The following CDKL4 variants were observed in gnomAD, a reference collection of about 807,000 sequenced individuals.
CDKL4 encodes cyclin dependent kinase like 4.
CDKL4 carries 44 observed loss-of-function variants against 42.0 expected under a neutral mutation model. The observed-to-expected ratio is 1.05, with a 90% CI of 0.82 to 1.35. CDKL4 has a LOEUF of 1.35. CDKL4 is among the 40% of genes most tolerant of loss of function. The pLI, the probability that CDKL4 is intolerant of heterozygous loss-of-function variation, is 0.00. For missense variants in CDKL4, 393 were observed against 369.9 expected (o/e 1.06, Z -0.51); for synonymous variants, 120 against 121.6 (o/e 0.99, Z 0.09).
At position 39,203,432 on chromosome 2, in the gene CDKL4, T is replaced by A. The variant is rs191310539; in HGVS notation, c.454+1095A>T. Among the ~76,000 whole-genome samples, 307 of 152,234 alleles carry A rather than the reference T, an allele frequency of 2.0e-3. 2 individuals carry two copies. Among genetic ancestry groups the A allele is most frequent in the Non-Finnish European group, 8.4e-4 (57 of 68,014 alleles). On this transcript the variant is annotated intron_variant, in intron 5 of 9. Transcript: ENST00000451199. ...TTTTTGTGACAATTGGGTATTTTGG[T>A]GGTATATAATGGATTTCCAGGAAAA...
At chr2:39,186,869 A>T (rs549895902) in intron 7 of CDKL4, among the ~76,000 whole-genome samples, 2 of 152,182 alleles carry the variant, frequency 1.3e-5, no homozygotes, top group Non-Finnish European at 2.9e-5. Context: ...TAAGATACTA[A>T]ATATATTTTC....
chr2:39,234,185 C>T (rs1164249236), intron 1 of CDKL4, among the ~76,000 whole-genome samples: 2 of 151,996 alleles, frequency 1.3e-5, no homozygotes, highest in African/African-American at 2.4e-5. Context: ...AGTGCTAGGA[C>T]TACAGGCGTG....
At chr2:39,168,457 C>A in the CDKL4 span, among the ~76,000 whole-genome samples, 3 of 152,124 alleles carry the variant, frequency 2.0e-5, no homozygotes, top group Non-Finnish European at 2.9e-5. Context: ...TGAGCCAGGC[C>A]AGGCGCGGTG....
chr2:39,204,514 A>T lies in CDKL4; in HGVS notation c.454+13T>A. 7 of 1,529,814 alleles carry T rather than the reference A, an allele frequency of 4.6e-6. No individual in the cohort carries two copies. The highest frequency in any genetic ancestry group is 6.3e-6 in the Non-Finnish European group (7 of 1,105,474). 94.8% of individuals were successfully genotyped at this position (1,529,814 alleles called of 1,614,324 possible). ...ATCTGAACTGGGTATTAGTAAAAAA[A>T]ATTGCTACTTACTCAGAATTTGTGC... On this transcript the variant is annotated intron_variant, in intron 5 of 9. Transcript: ENST00000451199.
downstream of CDKL4, among the ~76,000 whole-genome samples, chr2:39,174,161 T>C (rs1455562462): frequency 6.6e-6 from 1 of 152,008 alleles, no homozygotes; most frequent in Non-Finnish European, 1.5e-5. Flanking sequence ...TCCCAGCACT[T>C]TGGGAGGCCG....
At chr2:39,195,716 C>T (rs1676473993) in intron 5 of CDKL4, among the ~76,000 whole-genome samples, 1 of 146,630 alleles carries the variant, frequency 6.8e-6, no homozygotes, top group Admixed American at 6.9e-5. Flanking sequence ...AGTCTTGGCT[C>T]ACTGCAACCT....
chr2:39,168,923 A>C, the CDKL4 span, among the ~76,000 whole-genome samples: 1 of 151,698 alleles, frequency 6.6e-6, no homozygotes, highest in Non-Finnish European at 1.5e-5. Flanking sequence ...CGCCCAGCTA[A>C]TTTTTGTATT....
chr2:39,181,299 C>T (rs1675426207), intron 8 of CDKL4, among the ~76,000 whole-genome samples: 1 of 152,206 alleles, frequency 6.6e-6, no homozygotes, highest in Admixed American at 6.5e-5. Context: ...ACTATGTTCT[C>T]CACTATGGTT....
chr2:39,172,037 A>T (rs994130598), downstream of CDKL4, among the ~76,000 whole-genome samples: 2 of 152,160 alleles, frequency 1.3e-5, no homozygotes, highest in Admixed American at 1.3e-4. Context: ...CAGGCTGGGC[A>T]TGGTGGTTCA....
chr2:39,221,632 A>G (rs1249228567), intron 3 of CDKL4, among the ~76,000 whole-genome samples: 1 of 152,246 alleles, frequency 6.6e-6, no homozygotes, highest in Non-Finnish European at 1.5e-5. Flanking sequence ...GGCTGACGCA[A>G]CGCACTACTG....
chr2:39,198,745 A>G (rs1676670280), intron 5 of CDKL4, among the ~76,000 whole-genome samples: 2 of 152,230 alleles, frequency 1.3e-5, no homozygotes, highest in African/African-American at 4.8e-5. Context: ...TGTTCAGTCA[A>G]CAATGAAACC....
downstream of CDKL4, among the ~76,000 whole-genome samples, chr2:39,172,559 T>C (rs944681076): frequency 6.6e-6 from 1 of 152,142 alleles, no homozygotes; most frequent in Non-Finnish European, 1.5e-5. Context: ...TAAACAGGCA[T>C]ATGGCATCAG....
At chr2:39,211,165 T>C (rs1677565404) in intron 4 of CDKL4, among the ~76,000 whole-genome samples, 1 of 152,116 alleles carries the variant, frequency 6.6e-6, no homozygotes. Flanking sequence ...CCTGGCACTT[T>C]GGGCAGCCAA....
chr2:39,197,467 A>T (rs1676584883), intron 5 of CDKL4, among the ~76,000 whole-genome samples: 1 of 152,240 alleles, frequency 6.6e-6, no homozygotes. Flanking sequence ...TCCAAATACA[A>T]GAAGCCATCC....
chr2:39,184,722 ATGTG>A (rs141702509), intron 7 of CDKL4, 75 bp from the exon 8 acceptor site: 1,260 of 755,654 alleles, frequency 1.7e-3, no homozygotes, highest in East Asian at 2.5e-3. Context: ...GTGCGTATGT[ATGTG>A]TGTGTGTGTG....
Position 39,220,976 on chromosome 2 carries a change from CTTTT to C in CDKL4, c.290+4859_290+4862del, listed in dbSNP as rs1157655136. 4.3e-3 allele frequency among the ~76,000 whole-genome samples: 213 copies of C among 49,130 alleles called. 1 individual carries two copies. Among genetic ancestry groups the C allele is most frequent in the East Asian group, 0.026 (26 of 1,016 alleles). The allele number at this position is 49,130 out of a possible 152,430, so 32.2% of individuals were successfully genotyped here. ...AATCCGCATTCACTACATCGACGAT[CTTTT>C]TTTTTTTTTTTTTTTTTTTTGTTTT... On this transcript the variant is annotated intron_variant, in intron 3 of 9. Coordinates refer to ENST00000451199, the Ensembl canonical transcript of CDKL4.
chr2:39,204,564 T>C (rs1425949242), exon 5 of CDKL4: 1 of 1,610,218 alleles, frequency 6.2e-7, no homozygotes, highest in Non-Finnish European at 8.5e-7. Context: ...AAATCTTGAT[T>C]ATTCCTTGCT....
At chr2:39,226,361 C>T (rs1031806852) in intron 2 of CDKL4, among the ~76,000 whole-genome samples, 3 of 148,122 alleles carry the variant, frequency 2.0e-5, no homozygotes, top group African/African-American at 7.4e-5. Context: ...ACCATCAAAT[C>T]GGAATAAACT....
chr2:39,190,545 C>T lies in CDKL4; in HGVS notation c.455-43G>A, dbSNP rs770422601. The T allele has an allele frequency of 4.5e-6, 7 of 1,546,016 alleles. No individual in the cohort carries two copies. The Admixed American group carries it at 8.3e-5, about 18-fold the overall frequency. ...AGATCAGGTAAGTCAATTCTCCCAA[C>T]ATGTGAACTGCTCCCAAGAACACAT... On this transcript the variant is annotated intron_variant, in intron 5 of 9. Transcript: ENST00000451199.
Sources: gnomAD v4.1 joint callset for allele counts (sites outside exome capture counted in the v4.1 genomes callset) on GRCh38, gnomAD v4.1.1 for gene constraint, MANE v1.5 for transcripts, NCBI Gene and HGNC (gene_info 2026-07-23, HGNC 2026-07-21) for gene names.